Variants in RAB11FIP1 observed in about 807,000 individuals in gnomAD.
RAB11FIP1 encodes the protein RAB11 family interacting protein 1, also known as rab11 family-interacting protein 1.
A neutral mutation model predicts 83.1 loss-of-function variants in RAB11FIP1; 49 were observed. The ratio of observed to expected loss-of-function variants is 0.59; its 90% CI spans 0.47 to 0.75. The LOEUF is 0.75. Among genes scored for constraint, RAB11FIP1 ranks in the 30% least tolerant of loss-of-function variants. The probability of loss-of-function intolerance (pLI) is 0.00; values close to 1 mark genes in which losing one functional copy is unlikely to be tolerated. For missense variants in RAB11FIP1, 1,536 were observed against 1,598.7 expected, an observed-to-expected ratio of 0.96 and a Z score of 0.67; for synonymous variants, 670 against 656.0, an observed-to-expected ratio of 1.02 and a Z score of -0.33.
chr8:37,889,248 T>G (rs542028067), intron 1 of RAB11FIP1, among the ~76,000 whole-genome samples: 2 of 152,218 alleles, frequency 1.3e-5, no homozygotes, highest in African/African-American at 4.8e-5. Context: ...CAAGATAGGT[T>G]TTCTAAGTGG....
In RAB11FIP1 at chr8:37,877,132, T is replaced by C. The variant is rs112261098; in HGVS notation, c.791A>G (p.Asp264Gly). Residue 264 changes from aspartate (D) to glycine (G), a missense_variant, in exon 2 of 6, where the codon GAT becomes GGT. Physicochemically the swap from Asp to Gly is moderately conservative, Grantham distance 94. Coordinates refer to ENST00000330843, the MANE Select transcript of RAB11FIP1 (RefSeq NM_001002814.3). The stretch of plus-strand genomic sequence containing the variant: ...ACCATCCGAGGCCGAGGAGGACTCA[T>C]CCTCATTGTCATCTTCATCCCACTG... ...QSQWDEDDNE[D>G]ESSSASDVMS... 4 of 1,613,544 alleles carry C rather than the reference T, an allele frequency of 2.5e-6. No homozygotes were observed. The highest frequency in any genetic ancestry group is 3.4e-6 in the Non-Finnish European group (4 of 1,179,592).
chr8:37,890,244 T>G (rs1172759349), intron 1 of RAB11FIP1, among the ~76,000 whole-genome samples: 2 of 152,232 alleles, frequency 1.3e-5, no homozygotes, highest in Non-Finnish European at 2.9e-5. Context: ...GGATGCCCAT[T>G]CTTTTATAAT....
rs775742692 is a variant in RAB11FIP1 at position 37,875,160 on chromosome 8, A to G, written c.977T>C (p.Leu326Pro). ...NVCINGNHVY[L>P]EQPEAKGEIK... ...CTCACCCTTGGCTTCTGGCTGCTCC[A>G]GGTAAACATGGTTCCCATTGATGCA... Residue 326 changes from leucine (L) to proline (P), a missense_variant, in exon 3 of 6, where the codon CTG becomes CCG. By Grantham distance (98) the Leu-to-Pro change is moderately conservative. Transcript: ENST00000330843. 6.2e-7 allele frequency: 1 copy of G among 1,614,176 alleles called. No homozygotes were observed. Among genetic ancestry groups the G allele is most frequent in the South Asian group, 1.1e-5 (1 of 91,084 alleles).
chr8:37,872,917 G>A lies in RAB11FIP1; in HGVS notation c.1885C>T (p.Pro629Ser). The A allele has an allele frequency of 6.2e-7, 1 of 1,614,226 alleles. No individual in the cohort carries two copies. The highest frequency in any genetic ancestry group is 8.5e-7 in the Non-Finnish European group (1 of 1,180,040). Reference sequence around the variant, plus strand: ...TGCAACTCTGCCTTAGGGAGCAAGGGTGGTCCTTCAGACTTGGCCTGGCCC... The same window carrying A: ...TGCAACTCTGCCTTAGGGAGCAAGGATGGTCCTTCAGACTTGGCCTGGCCC... Reference protein sequence around the residue: ...DRGQAKSEGPPLLPKAELQTE... With the variant: ...DRGQAKSEGPSLLPKAELQTE... The change falls in exon 4 of 6, where the codon CCC (proline) becomes TCC (serine). Residue 629 changes from proline to serine, a missense_variant. Coordinates refer to ENST00000330843, the MANE Select transcript of RAB11FIP1 (RefSeq NM_001002814.3).
At position 37,896,485 on chromosome 8, in the gene RAB11FIP1, T is replaced by C. The variant is rs142144697; in HGVS notation, c.371+2586A>G. On this transcript the variant is annotated intron_variant, in intron 1 of 5. Coordinates refer to ENST00000330843, the MANE Select transcript of RAB11FIP1 (RefSeq NM_001002814.3). ...ATGCAAAGAAGCCTTCCTTTGCAGT[T>C]ATTTTAAGAAAGAAAAAAAAATCAA... Among the ~76,000 whole-genome samples, 428 of 152,280 alleles carry C rather than the reference T, an allele frequency of 2.8e-3. 2 individuals carry two copies. Among genetic ancestry groups the C allele is most frequent in the African/African-American group, 9.6e-3 (399 of 41,562 alleles).
chr8:37,894,729 T>TATATATATATATATATATATAC (rs1225758575), intron 1 of RAB11FIP1, among the ~76,000 whole-genome samples: 3 of 147,512 alleles, frequency 2.0e-5, no homozygotes, highest in African/African-American at 7.5e-5. Flanking sequence ...TATACATATA[T>TATATATATATATATATATATAC]ATATATATAT....
In RAB11FIP1 at chr8:37,874,925, G is replaced by T; in HGVS notation, c.1212C>A (p.Val404=). Residue 404 remains valine (V), a synonymous_variant, in exon 3 of 6, where the codon GTC becomes GTA. Transcript: ENST00000330843. Reference sequence around the variant, plus strand: ...CCATGTTTTCCCTGAGGTCCCCACTGACCAGTGGGGCAGGTCGGTAGGACG... The same window carrying T: ...CCATGTTTTCCCTGAGGTCCCCACTTACCAGTGGGGCAGGTCGGTAGGACG... ...TLPSYRPAPL[V]SGDLRENMAP... 2 of 1,614,152 alleles carry T rather than the reference G, an allele frequency of 1.2e-6. No individual in the cohort carries two copies. The highest frequency in any genetic ancestry group is 1.1e-5 in the South Asian group (1 of 91,060).
chr8:37,894,701 C>CATATATATACAT (rs1554533293), intron 1 of RAB11FIP1, among the ~76,000 whole-genome samples: 6 of 144,304 alleles, frequency 4.2e-5, no homozygotes, highest in Non-Finnish European at 7.4e-5. Context: ...TACATAAATA[C>CATATATATACAT]ATATATATAC....
intron 1 of RAB11FIP1, among the ~76,000 whole-genome samples, chr8:37,894,809 G>GAA (rs1344259006): frequency 1.3e-5 from 2 of 150,182 alleles, no homozygotes; most frequent in Non-Finnish European, 3.0e-5. Context: ...GAATGCAGTG[G>GAA]TGCGATCTCA....
rs574725565 is a variant in RAB11FIP1, at chr8:37,898,956, G to A, written c.371+115C>T. 1.6e-3 allele frequency: 1,764 copies of A among 1,135,194 alleles called. 2 individuals are homozygous for A. The highest frequency in any genetic ancestry group is 1.8e-3 in the Non-Finnish European group (1,542 of 855,974). The allele number at this position is 1,135,194 out of a possible 1,614,324, so 70.3% of individuals were successfully genotyped here. A position where few individuals can be genotyped will look rare whatever the true frequency, so the allele number is the denominator to read the frequency against. On this transcript the variant is annotated intron_variant, in intron 1 of 5. Transcript: ENST00000330843. ...CAGCACCGGCCGAGGGCTCCGTCCC[G>A]AAAGGCCTTCCCCGCTGCTGCCCGG...
At position 37,874,877 on chromosome 8, in the gene RAB11FIP1, T is replaced by G. The variant is rs200965443; in HGVS notation, c.1260A>C (p.Thr420=). The part of the protein sequence containing the change: ...ENMAPANSEA[T]KEAKESKKPE... ...GCTTCTTGCTCTCCTTAGCTTCTTT[T>G]GTGGCCTCTGAGTTTGCGGGGGCCA... Residue 420 remains threonine, a synonymous_variant, in exon 3 of 6, where the codon ACA becomes ACC. Coordinates refer to ENST00000330843, the MANE Select transcript of RAB11FIP1 (RefSeq NM_001002814.3). 5 of 1,614,188 alleles carry G rather than the reference T, an allele frequency of 3.1e-6. No individual in the cohort carries two copies. In the East Asian group the frequency reaches 6.7e-5, roughly 22 times the overall value.
At chr8:37,887,387 C>T (rs906165477) in intron 1 of RAB11FIP1, among the ~76,000 whole-genome samples, 2 of 151,902 alleles carry the variant, frequency 1.3e-5, no homozygotes, top group African/African-American at 4.8e-5. Context: ...AAAAATGAGC[C>T]GGGTGTGGTG....
chr8:37,891,644 A>C (rs1165064618), intron 1 of RAB11FIP1, among the ~76,000 whole-genome samples: 2 of 152,248 alleles, frequency 1.3e-5, no homozygotes, highest in Non-Finnish European at 2.9e-5. Flanking sequence ...TTTGTAACCA[A>C]AGGCAGTTTA....
In RAB11FIP1 at chr8:37,899,331, GC is replaced by G. The variant is rs760708200; in HGVS notation, c.110del (p.Gly37AlafsTer8). The G allele has an allele frequency of 1.2e-6, 2 of 1,608,860 alleles. No homozygotes were observed. The highest frequency in any genetic ancestry group is 8.5e-7 in the Non-Finnish European group (1 of 1,178,382). On this transcript the variant is annotated frameshift_variant, in exon 1 of 6. Coordinates refer to ENST00000330843, the MANE Select transcript of RAB11FIP1 (RefSeq NM_001002814.3). LOFTEE classifies it high-confidence loss of function. This position sits in a 1 kb window ranked among gnomAD's most constrained non-coding sequence, Gnocchi z 4.5. ...ARGLRAKGPG[G>X]TSDAYAVIQV... Reference sequence around the variant, plus strand: ...GGATCACCGCGTACGCGTCGCTCGTGCCCCCGGGGCCCTTGGCCCGCAGGCC... The same window carrying G: ...GGATCACCGCGTACGCGTCGCTCGTGCCCCGGGGCCCTTGGCCCGCAGGCC...
In RAB11FIP1 at chr8:37,871,912, C is replaced by T. The variant is rs576793220; in HGVS notation, c.2890G>A (p.Glu964Lys). The T allele has an allele frequency of 5.0e-6, 8 of 1,614,204 alleles. No individual in the cohort carries two copies. The South Asian group carries it at 8.8e-5, about 18-fold the overall frequency. Residue 964 changes from glutamate to lysine, a missense_variant, in exon 4 of 6, where the codon GAA becomes AAA. By Grantham distance (56) the Glu-to-Lys change is moderately conservative. Coordinates refer to ENST00000330843, the MANE Select transcript of RAB11FIP1 (RefSeq NM_001002814.3). ...DLNLSLPSIP[E>K]VASDDERIDQ... ...ATTCTTTCATCATCCGATGCGACTT[C>T]AGGAATGGAAGGAAGGCTTAAGTTC...
At position 37,872,156 on chromosome 8, in the gene RAB11FIP1, C is replaced by T. The variant is rs569382328; in HGVS notation, c.2646G>A (p.Ala882=). 24 of 1,613,896 alleles carry T rather than the reference C, an allele frequency of 1.5e-5. No homozygotes were observed. The highest frequency in any genetic ancestry group is 5.0e-5 in the Admixed American group (3 of 59,992). The change falls in exon 4 of 6, where the codon GCG becomes GCA. Residue 882 remains alanine (A), a synonymous_variant. Transcript: ENST00000330843. ...CCTGGGAGGGGAGGAGGAGGTGATC[C>T]GCTGGGGAGGCTGGCGCACCACACG... ...PATCGAPASP[A]DHLLLPSQEE... is the part of the protein sequence containing the mutation.
chr8:37,881,475 T>C (rs893176452), intron 1 of RAB11FIP1, among the ~76,000 whole-genome samples: 5 of 152,196 alleles, frequency 3.3e-5, no homozygotes, highest in African/African-American at 1.2e-4. Context: ...GAAACTAACA[T>C]AGCTTGCCAT....
chr8:37,868,865 G>A (rs1305141888), intron 5 of RAB11FIP1, among the ~76,000 whole-genome samples: 1 of 152,048 alleles, frequency 6.6e-6, no homozygotes, highest in Non-Finnish European at 1.5e-5. Flanking sequence ...TTACCTTAAG[G>A]AAAAAATCTA....
intron 1 of RAB11FIP1, among the ~76,000 whole-genome samples, chr8:37,885,143 C>T (rs767888314): frequency 2.0e-5 from 3 of 151,272 alleles, no homozygotes; most frequent in East Asian, 2.0e-4. Flanking sequence ...AACAGGCATG[C>T]GCTACCACAC....
Sources: allele counts gnomAD v4.1 joint callset (sites outside exome capture counted in the v4.1 genomes callset), GRCh38; gene constraint gnomAD v4.1.1; non-coding constraint Gnocchi (gnomAD v3.1); transcripts MANE v1.5; gene names NCBI Gene and HGNC (gene_info 2026-07-23, HGNC 2026-07-21).